The following CEBPZ variants were observed in gnomAD, a reference collection of about 807,000 sequenced individuals.
CEBPZ encodes the protein CCAAT enhancer binding protein zeta, also known as CCAAT/enhancer-binding protein zeta.
Under a neutral mutation model 104.5 loss-of-function variants are expected in CEBPZ, and 78 were observed. That is an observed-to-expected ratio of 0.75 (90% CI 0.62 to 0.90). The LOEUF is 0.90. CEBPZ is among the 40% of genes least tolerant of loss of function. CEBPZ has a pLI of 0.00. For missense variants in CEBPZ, 1,439 were observed against 1,233.5 expected (o/e 1.17, Z -2.50); for synonymous variants, 470 against 427.0 (o/e 1.10, Z -1.24).
rs138366554 is a variant in CEBPZ at position 37,222,312 on chromosome 2, G to A, written c.2065+68C>T. ...AAATAAATAAGTAAATAAAATGGTA[G>A]AATGCTATTTTCTATGAAAATCAAA... On this transcript the variant is annotated intron_variant, in intron 4 of 15. Coordinates refer to ENST00000234170, the MANE Select transcript of CEBPZ (RefSeq NM_005760.3). 8.0e-4 allele frequency: 998 copies of A among 1,247,138 alleles called. 5 individuals carry two copies. The African/African-American group carries it at 0.012, about 15-fold the overall frequency. The allele number at this position is 1,247,138 out of a possible 1,614,324, so 77.3% of individuals were successfully genotyped here. A position where few individuals can be genotyped will look rare whatever the true frequency, so the allele number is the denominator to read the frequency against.
At chr2:37,220,564 A>T in intron 4 of CEBPZ, 91 bp from the exon 5 acceptor site, 1 of 552,942 alleles carries the variant, frequency 1.8e-6, no homozygotes, top group East Asian at 3.4e-5. Flanking sequence ...TTCTCAACAG[A>T]TATCTCCAAC....
chr2:37,215,608 C>T (rs1677848595), intron 8 of CEBPZ: 1 of 152,436 alleles, frequency 6.6e-6, no homozygotes, highest in African/African-American at 2.4e-5. Context: ...GGTCTCTGAA[C>T]AAAAGGGAGA....
chr2:37,227,186 G>A (rs1192128786), intron 2 of CEBPZ, among the ~76,000 whole-genome samples: 4 of 152,300 alleles, frequency 2.6e-5, no homozygotes, highest in Middle Eastern at 3.4e-3. Flanking sequence ...ATGGGAAGAC[G>A]GAAACTGCAA....
At chr2:37,219,599 G>T (rs1664716146) in intron 5 of CEBPZ, among the ~76,000 whole-genome samples, 1 of 152,056 alleles carries the variant, frequency 6.6e-6, no homozygotes, top group Non-Finnish European at 1.5e-5. Flanking sequence ...TGACCTGGCC[G>T]ACTCACTAAA....
intron 9 of CEBPZ, among the ~76,000 whole-genome samples, chr2:37,214,468 T>C (rs901395514): frequency 2.0e-5 from 3 of 152,086 alleles, no homozygotes; most frequent in Non-Finnish European, 4.4e-5. Context: ...ACTTAAAGTA[T>C]TATATTAAAA....
intron 12 of CEBPZ, 31 bp from the exon 13 acceptor site, chr2:37,211,113 A>AT: frequency 6.9e-7 from 1 of 1,447,360 alleles, no homozygotes; most frequent in Non-Finnish European, 9.6e-7. Context: ...CTAATAAGCA[A>AT]TTTAAAAACA....
chr2:37,228,505 C>T lies in CEBPZ; in HGVS notation c.688G>A (p.Ala230Thr). The stretch of plus-strand genomic sequence containing the variant: ...ATTGCCTTCATCCAGGTAGAAGAGG[C>T]TCCCTTTTGACTATTCGTCTTACTT... ...FKSKTNSQKG[A>T]SSTWMKAIVS... The change falls in exon 2 of 16, where the codon GCC becomes ACC. Residue 230 changes from alanine to threonine, a missense_variant. Transcript: ENST00000234170. 1 of 1,614,202 alleles carries T rather than the reference C, an allele frequency of 6.2e-7. No individual in the cohort carries two copies.
At position 37,222,467 on chromosome 2, in the gene CEBPZ, GT is replaced by G. The variant is rs752574791; in HGVS notation, c.1977del (p.Lys659AsnfsTer13). 1 of 1,611,050 alleles carries G rather than the reference GT, an allele frequency of 6.2e-7. No individual in the cohort carries two copies. ...DADKETEIVK[K>X]LETEETVPET... ...TCAGGAACTGTTTCCTCTGTCTCAAGTTTTTTCACTATCTCTGTTTCTTTGT... is the reference window on the plus strand; with the variant it reads ...TCAGGAACTGTTTCCTCTGTCTCAAGTTTTTCACTATCTCTGTTTCTTTGT... On this transcript the variant is annotated frameshift_variant, in exon 4 of 16. Coordinates refer to ENST00000234170, the MANE Select transcript of CEBPZ (RefSeq NM_005760.3). LOFTEE classifies it high-confidence loss of function.
Position 37,222,462 on chromosome 2 carries a change from C to T in CEBPZ, c.1983G>A (p.Glu661=). The T allele has an allele frequency of 6.2e-7, 1 of 1,611,792 alleles. No individual in the cohort carries two copies. The change falls in exon 4 of 16, where the codon GAG becomes GAA. Residue 661 remains glutamate, a synonymous_variant. Coordinates refer to ENST00000234170, the MANE Select transcript of CEBPZ (RefSeq NM_005760.3). The part of the protein sequence containing the change: ...DKETEIVKKL[E]TEETVPETDV... ...CAGTTTCAGGAACTGTTTCCTCTGT[C>T]TCAAGTTTTTTCACTATCTCTGTTT...
intron 5 of CEBPZ, among the ~76,000 whole-genome samples, chr2:37,217,797 G>A (rs1198506733): frequency 6.6e-6 from 1 of 151,210 alleles, no homozygotes; most frequent in East Asian, 2.0e-4. Flanking sequence ...AGCTACTCGG[G>A]AGGCTGAGGC....
chr2:37,216,684 A>G (rs1010252106), intron 6 of CEBPZ, among the ~76,000 whole-genome samples: 2 of 152,236 alleles, frequency 1.3e-5, no homozygotes, highest in African/African-American at 4.8e-5. Context: ...TTAATCAGGA[A>G]CCAAACCCTG....
At chr2:37,211,659 A>G in intron 12 of CEBPZ, 184 bp downstream of exon 12, 1 of 523,662 alleles carries the variant, frequency 1.9e-6, no homozygotes, top group African/African-American at 1.9e-5. Flanking sequence ...AAGAAAACAC[A>G]CATAACACAC....
Position 37,229,033 on chromosome 2 carries a change from C to G in CEBPZ, c.160G>C (p.Asp54His). The change falls in exon 2 of 16, where the codon GAT (aspartate) becomes CAT (histidine). Residue 54 changes from aspartate to histidine, a missense_variant. Transcript: ENST00000234170. ...EVLRLGGTKQ[D>H]YLMLATLDEN... ...TCCAAAGTAGCCAGCATAAGGTAAT[C>G]TTGCTGCATTAAAAACATAAGTTAA... 1 of 1,518,404 alleles carries G rather than the reference C, an allele frequency of 6.6e-7. No individual in the cohort carries two copies. Among genetic ancestry groups the G allele is most frequent in the East Asian group, 2.3e-5 (1 of 42,716 alleles). The allele number at this position is 1,518,404 out of a possible 1,614,324, so 94.1% of individuals were successfully genotyped here.
Position 37,202,939 on chromosome 2 carries a change from A to G in CEBPZ, c.2943+11T>C. 1 of 1,594,934 alleles carries G rather than the reference A, an allele frequency of 6.3e-7. No individual in the cohort carries two copies. On this transcript the variant is annotated intron_variant, in intron 14 of 15. Coordinates refer to ENST00000234170, the MANE Select transcript of CEBPZ (RefSeq NM_005760.3). ...AATAGCTAGCTTGTTAAAACAGTACATTAGCCTTACCTCTTCAGCAGATAC... is the reference window on the plus strand; with the variant it reads ...AATAGCTAGCTTGTTAAAACAGTACGTTAGCCTTACCTCTTCAGCAGATAC...
At chr2:37,217,901 CAAAA>C (rs58344885) in intron 5 of CEBPZ, among the ~76,000 whole-genome samples, 2 of 139,322 alleles carry the variant, frequency 1.4e-5, no homozygotes, top group Non-Finnish European at 1.6e-5. Flanking sequence ...GACTCTGTCT[CAAAA>C]AAAAAAAACA....
chr2:37,225,561 A>C (rs1417621531), intron 2 of CEBPZ, among the ~76,000 whole-genome samples: 8 of 123,168 alleles, frequency 6.5e-5, no homozygotes, highest in Non-Finnish European at 1.3e-4. Flanking sequence ...CATGCTCCTT[A>C]AGAGTCATCA....
At chr2:37,216,244 C>A in intron 7 of CEBPZ, 36 bp from the exon 8 acceptor site, 1 of 1,603,872 alleles carries the variant, frequency 6.2e-7, no homozygotes. Flanking sequence ...AATGCAAAAC[C>A]TAGTTATAAG....
chr2:37,217,907 A>C (rs528312104), intron 5 of CEBPZ, among the ~76,000 whole-genome samples: 253 of 149,932 alleles, frequency 1.7e-3, no homozygotes, highest in Non-Finnish European at 3.0e-3. Context: ...GTCTCAAAAA[A>C]AAAAAACAAA....
intron 2 of CEBPZ, among the ~76,000 whole-genome samples, chr2:37,225,397 T>G (rs1174685015): frequency 6.6e-6 from 1 of 151,726 alleles, no homozygotes; most frequent in African/African-American, 2.4e-5. Context: ...CATTTTGTTA[T>G]GTACTAAGAA....
Sources: allele counts gnomAD v4.1 joint callset (sites outside exome capture counted in the v4.1 genomes callset), GRCh38; gene constraint gnomAD v4.1.1; transcripts MANE v1.5; gene names NCBI Gene and HGNC (gene_info 2026-07-23, HGNC 2026-07-21).